The following IQCJ variants were observed in gnomAD, a reference collection of about 807,000 sequenced individuals.
The protein encoded by IQCJ is IQ motif containing J.
Under a neutral mutation model 11.0 loss-of-function variants are expected in IQCJ, and 9 were observed. The ratio of observed to expected loss-of-function variants is 0.82; its 90% CI spans 0.49 to 1.43. The LOEUF (loss-of-function observed/expected upper bound fraction) is 1.43, where lower values mean the gene tolerates loss of function less well. Among genes scored for constraint, IQCJ ranks in the 40% most tolerant of loss-of-function variants. The probability of loss-of-function intolerance (pLI) is 0.00; values close to 1 mark genes in which losing one functional copy is unlikely to be tolerated. For missense variants in IQCJ, 146 were observed against 133.2 expected, an observed-to-expected ratio of 1.10 and a Z score of -0.47; for synonymous variants, 55 against 51.3, an observed-to-expected ratio of 1.07 and a Z score of -0.31.
At chr3:159,189,794 C>T (rs974488705) in intron 1 of IQCJ, among the ~76,000 whole-genome samples, 1 of 152,180 alleles carries the variant, frequency 6.6e-6, no homozygotes, top group African/African-American at 2.4e-5. Context: ...TGGATCCAAT[C>T]TCAGGCTCAG....
At chr3:159,142,427 C>T (rs116284063) in intron 1 of IQCJ, among the ~76,000 whole-genome samples, 1 of 128,016 alleles carries the variant, frequency 7.8e-6, no homozygotes, top group Non-Finnish European at 1.6e-5. Flanking sequence ...GTCTTTTCCC[C>T]CCCCCACCAG....
At chr3:159,140,288 A>C (rs1720527997) in intron 1 of IQCJ, among the ~76,000 whole-genome samples, 1 of 152,220 alleles carries the variant, frequency 6.6e-6, no homozygotes, top group Non-Finnish European at 1.5e-5. Context: ...ATTTTTAAAT[A>C]GCAATGATAA....
chr3:159,210,701 G>A (rs995206613), intron 1 of IQCJ, among the ~76,000 whole-genome samples: 2 of 152,018 alleles, frequency 1.3e-5, no homozygotes, highest in African/African-American at 4.8e-5. Flanking sequence ...ACTGAGTTTC[G>A]CTCTTGTTGC....
At chr3:159,151,567 T>C (rs1721219836) in intron 1 of IQCJ, among the ~76,000 whole-genome samples, 1 of 152,198 alleles carries the variant, frequency 6.6e-6, no homozygotes, top group Non-Finnish European at 1.5e-5. Flanking sequence ...TCAAGTTACT[T>C]ACCTGCACTG....
intron 1 of IQCJ, among the ~76,000 whole-genome samples, chr3:159,228,118 A>G (rs1167145092): frequency 6.6e-6 from 1 of 152,156 alleles, no homozygotes; most frequent in Non-Finnish European, 1.5e-5. Flanking sequence ...TTAGAAAACC[A>G]AGCATTTTTC....
chr3:159,233,478 T>G (rs1242160613), intron 1 of IQCJ, among the ~76,000 whole-genome samples: 1 of 152,166 alleles, frequency 6.6e-6, no homozygotes, highest in Non-Finnish European at 1.5e-5. Flanking sequence ...GGGAGGATAC[T>G]TAGGTTAACA....
chr3:159,129,657 A>G (rs940968333), intron 1 of IQCJ, among the ~76,000 whole-genome samples: 2 of 152,208 alleles, frequency 1.3e-5, no homozygotes, highest in South Asian at 2.1e-4. Context: ...GGTGTGGTCT[A>G]AAAGAAAAAC....
chr3:159,195,373 G>A (rs981836054), intron 1 of IQCJ, among the ~76,000 whole-genome samples: 1 of 152,126 alleles, frequency 6.6e-6, no homozygotes, highest in Non-Finnish European at 1.5e-5. Context: ...GAGGAGATGG[G>A]GGTAGACACT....
chr3:159,110,475 T>C (rs1312547358), intron 1 of IQCJ, among the ~76,000 whole-genome samples: 1 of 152,194 alleles, frequency 6.6e-6, no homozygotes, highest in Non-Finnish European at 1.5e-5. Flanking sequence ...AATAATGTCA[T>C]TTCCTACAGG....
intron 1 of IQCJ, among the ~76,000 whole-genome samples, chr3:159,169,249 C>CT (rs111879662): frequency 4.2e-3 from 357 of 84,246 alleles, no homozygotes; most frequent in Non-Finnish European, 7.0e-3. Context: ...AGCCTATGTT[C>CT]TTTTTTTTTT....
intron 1 of IQCJ, among the ~76,000 whole-genome samples, chr3:159,147,714 A>C (rs1423643071): frequency 6.6e-6 from 1 of 152,230 alleles, no homozygotes; most frequent in African/African-American, 2.4e-5. Flanking sequence ...CAATCATCTC[A>C]GTTTATTCCA....
At chr3:159,152,346 A>C (rs961055108) in intron 1 of IQCJ, among the ~76,000 whole-genome samples, 1 of 152,162 alleles carries the variant, frequency 6.6e-6, no homozygotes, top group Non-Finnish European at 1.5e-5. Context: ...ATAAGGCCAT[A>C]GTTTCCCTTC....
intron 1 of IQCJ, among the ~76,000 whole-genome samples, chr3:159,170,055 T>C (rs1722408198): frequency 6.6e-6 from 1 of 152,228 alleles, no homozygotes; most frequent in Non-Finnish European, 1.5e-5. Flanking sequence ...GTAAACTTCC[T>C]TGCTGCACAG....
At chr3:159,263,933 A>G (rs565226981), downstream of IQCJ, among the ~76,000 whole-genome samples, 1 of 152,210 alleles carries the variant, frequency 6.6e-6, no homozygotes, top group South Asian at 2.1e-4. Context: ...ACTAGAGGGC[A>G]CTCGTGAACT....
At chr3:159,188,112 C>T (rs1364951145) in intron 1 of IQCJ, among the ~76,000 whole-genome samples, 1 of 152,152 alleles carries the variant, frequency 6.6e-6, no homozygotes, top group Non-Finnish European at 1.5e-5. Flanking sequence ...CTTTCTTTCA[C>T]TTTAAAAAAA....
chr3:159,158,265 T>C (rs1721646580), intron 1 of IQCJ, among the ~76,000 whole-genome samples: 1 of 152,214 alleles, frequency 6.6e-6, no homozygotes, highest in South Asian at 2.1e-4. Context: ...CTGATGTATC[T>C]TACAGAGCCA....
chr3:159,083,862 T>A (rs1205290644), intron 1 of IQCJ, among the ~76,000 whole-genome samples: 1 of 152,018 alleles, frequency 6.6e-6, no homozygotes, highest in Non-Finnish European at 1.5e-5. Context: ...AGTGACAAAA[T>A]TATATAGATG....
Position 159,163,554 on chromosome 3 carries a change from G to C in IQCJ, c.10-82289G>C, listed in dbSNP as rs1235626097. 2.0e-5 allele frequency among the ~76,000 whole-genome samples: 3 copies of C among 152,112 alleles called. No individual in the cohort carries two copies. In the East Asian group the frequency reaches 5.8e-4, roughly 29 times the overall value. On this transcript the variant is annotated intron_variant, in intron 1 of 3. Coordinates refer to ENST00000397832, the MANE Select transcript of IQCJ (RefSeq NM_001042706.3). ...TAATTTTTGTATTTTTAGTAGAGAT[G>C]GGGTTTCACCATGTTGGCCAGGCTG... is the stretch of plus-strand genomic sequence containing the variant.
intron 1 of IQCJ, among the ~76,000 whole-genome samples, chr3:159,086,490 G>C (rs143403817): frequency 0.079 from 12,069 of 152,072 alleles, 789 homozygotes; most frequent in East Asian, 0.35. Flanking sequence ...GGCATTGAAT[G>C]TGTAAATTAC....
Sources: gnomAD v4.1 joint callset for allele counts (sites outside exome capture counted in the v4.1 genomes callset) on GRCh38, gnomAD v4.1.1 for gene constraint, MANE v1.5 for transcripts, NCBI Gene and HGNC (gene_info 2026-07-23, HGNC 2026-07-21) for gene names.